TRIM40: variants seen among roughly 807,000 people sequenced by gnomAD.
TRIM40 encodes the protein E3 ubiquitin ligase TRIM40.
Under a neutral mutation model 26.1 loss-of-function variants are expected in TRIM40, and 27 were observed. That is an observed-to-expected ratio of 1.04 (90% CI 0.76 to 1.43). The LOEUF (loss-of-function observed/expected upper bound fraction) is 1.43. Ranked by LOEUF, TRIM40 falls within the 40% of genes most tolerant of loss-of-function variation. The pLI is 0.00. For missense variants in TRIM40, 289 were observed against 307.9 expected, an observed-to-expected ratio of 0.94 and a Z score of 0.46; for synonymous variants, 114 against 120.0, an observed-to-expected ratio of 0.95 and a Z score of 0.33.
chr6:30,142,890 T>C (rs1182477778), intron 2 of TRIM40, among the ~76,000 whole-genome samples: 1 of 152,166 alleles, frequency 6.6e-6, no homozygotes, highest in East Asian at 1.9e-4. Context: ...GATTATTCTT[T>C]CTGTTATATA....
intron 2 of TRIM40, among the ~76,000 whole-genome samples, 183 bp from the exon 3 acceptor site, chr6:30,145,811 A>T (rs1771610215): frequency 6.6e-6 from 1 of 152,196 alleles, no homozygotes; most frequent in South Asian, 2.1e-4. Context: ...CCCCATCATT[A>T]TCCAATAAAT....
chr6:30,147,347 C>A, intron 4 of TRIM40, 138 bp downstream of exon 4: 1 of 1,361,922 alleles, frequency 7.3e-7, no homozygotes, highest in Non-Finnish European at 1.0e-6. Context: ...TGGCTTGTTC[C>A]AGGCTACAGA....
rs774529343 is a variant in TRIM40, at chr6:30,148,053, G to A, written c.*241G>A. The A allele has an allele frequency of 1.6e-5, 9 of 578,740 alleles. No homozygotes were observed. The highest frequency in any genetic ancestry group is 4.5e-4 in the Middle Eastern group (1 of 2,230). The allele number at this position is 578,740 out of a possible 1,614,324, so 35.9% of individuals were successfully genotyped here. A position where few individuals can be genotyped will look rare whatever the true frequency, so the allele number is the denominator to read the frequency against. On this transcript the variant is annotated 3_prime_UTR_variant, in exon 6 of 6. Transcript: ENST00000396581. ...GCTTGGGGCTGCCACTGTGGAGGTC[G>A]GGGCCCATGGTCTCCAGGAGCATTT...
chr6:30,147,279 C>T (rs1771729305), intron 4 of TRIM40, 70 bp downstream of exon 4: 1 of 1,571,176 alleles, frequency 6.4e-7, no homozygotes, highest in Admixed American at 1.7e-5. Context: ...CTGCATCACC[C>T]TTCTGGGAGG....
Position 30,137,252 on chromosome 6 carries a change from C to T in TRIM40, c.216C>T (p.Pro72=). 1 of 1,613,086 alleles carries T rather than the reference C, an allele frequency of 6.2e-7. No individual in the cohort carries two copies. The highest frequency in any genetic ancestry group is 8.5e-7 in the Non-Finnish European group (1 of 1,180,022). The change falls in exon 2 of 6, where the codon CCC becomes CCT. Residue 72 remains proline (P), a synonymous_variant. Transcript: ENST00000396581. ...EEVLGTGYIC[P]NHQKRVCRFC... is the part of the protein sequence containing the mutation. ...TGCTAGGGACAGGCTATATCTGCCC[C>T]AACCACCAGAAGAGGGTGTGCAGGT...
At chr6:30,143,945 T>G (rs1449484455) in intron 2 of TRIM40, among the ~76,000 whole-genome samples, 1 of 152,196 alleles carries the variant, frequency 6.6e-6, no homozygotes, top group Non-Finnish European at 1.5e-5. Flanking sequence ...AACTGCCAGA[T>G]GATAGGACTG....
Position 30,147,025 on chromosome 6 carries a change from C to A in TRIM40, c.482C>A (p.Pro161Gln). 1 of 1,610,576 alleles carries A rather than the reference C, an allele frequency of 6.2e-7. No individual in the cohort carries two copies. Among genetic ancestry groups the A allele is most frequent in the Non-Finnish European group, 8.5e-7 (1 of 1,178,746 alleles). The change falls in exon 4 of 6, where the codon CCG becomes CAG. Residue 161 changes from proline to glutamine, a missense_variant. Transcript: ENST00000396581. Reference protein sequence around the residue: ...DHGNHRLEAGPESQHQTREQL... With the variant: ...DHGNHRLEAGQESQHQTREQL... The stretch of plus-strand genomic sequence containing the variant: ...GGGAACCACAGGCTGGAGGCTGGGC[C>A]GGAGAGCCAGCACCAAACCAGGGAA...
intron 2 of TRIM40, among the ~76,000 whole-genome samples, chr6:30,137,706 A>G (rs2127419673): frequency 6.6e-6 from 1 of 152,340 alleles, no homozygotes; most frequent in Non-Finnish European, 1.5e-5. Flanking sequence ...CTCCTGGTTG[A>G]TAGTACTAGA....
chr6:30,148,117 C>T lies in TRIM40; in HGVS notation c.*305C>T. The T allele has an allele frequency of 2.0e-6, 1 of 493,640 alleles. No homozygotes were observed. The highest frequency in any genetic ancestry group is 3.6e-6 in the Non-Finnish European group (1 of 274,778). 30.6% of individuals were successfully genotyped at this position (493,640 alleles called of 1,614,324 possible). A position where few individuals can be genotyped will look rare whatever the true frequency, so the allele number is the denominator to read the frequency against. ...TTTGCCTGTAAACTGATGGTAGTGC[C>T]CATCTCTCACAATCTCATTCAAATA... On this transcript the variant is annotated 3_prime_UTR_variant, in exon 6 of 6. Transcript: ENST00000396581.
chr6:30,147,066 C>G lies in TRIM40; in HGVS notation c.523C>G (p.Pro175Ala), dbSNP rs370316642. 2 of 1,613,800 alleles carry G rather than the reference C, an allele frequency of 1.2e-6. No homozygotes were observed. Among genetic ancestry groups the G allele is most frequent in the African/African-American group, 2.7e-5 (2 of 74,938 alleles). ...HQTREQLGAL[P>A]QQWLGQLEHM... Reference sequence around the variant, plus strand: ...AACCAGGGAACAGCTGGGTGCCCTCCCTCAGCAGTGGCTGGGCCAGCTGGA... The same window carrying G: ...AACCAGGGAACAGCTGGGTGCCCTCGCTCAGCAGTGGCTGGGCCAGCTGGA... Residue 175 changes from proline (P) to alanine (A), a missense_variant, in exon 4 of 6, where the codon CCT becomes GCT. Physicochemically the swap from Pro to Ala is conservative, Grantham distance 27. Transcript: ENST00000396581.
At position 30,146,501 on chromosome 6, in the gene TRIM40, T is replaced by C. The variant is rs112536952; in HGVS notation, c.441+412T>C. Among the ~76,000 whole-genome samples the C allele has an allele frequency of 5.2e-3, 797 of 152,176 alleles. 6 individuals are homozygous for C. The highest frequency in any genetic ancestry group is 0.018 in the African/African-American group (736 of 41,502). Reference sequence around the variant, plus strand: ...AACTCCGCTCACTGCAAGCTCCGCCTCCCGGGTTCACGCCATTCTCCTGCC... The same window carrying C: ...AACTCCGCTCACTGCAAGCTCCGCCCCCCGGGTTCACGCCATTCTCCTGCC... On this transcript the variant is annotated intron_variant, in intron 3 of 5. Coordinates refer to ENST00000396581, the MANE Select transcript of TRIM40 (RefSeq NM_001286633.2).
rs769832149 is a variant in TRIM40, at chr6:30,147,816, G to A, written c.*4G>A. The stretch of plus-strand genomic sequence containing the variant: ...TCAGCCCCCTCAGAAGCTCTGACCT[G>A]TTCATCCCTGGGACACCTCACTTCA... On this transcript the variant is annotated 3_prime_UTR_variant, in exon 6 of 6. Coordinates refer to ENST00000396581, the MANE Select transcript of TRIM40 (RefSeq NM_001286633.2). 1.9e-6 allele frequency: 3 copies of A among 1,613,814 alleles called. No individual in the cohort carries two copies. The highest frequency in any genetic ancestry group is 1.7e-6 in the Non-Finnish European group (2 of 1,179,690).
At chr6:30,144,600 A>G (rs1771538763) in intron 2 of TRIM40, among the ~76,000 whole-genome samples, 1 of 152,244 alleles carries the variant, frequency 6.6e-6, no homozygotes, top group African/African-American at 2.4e-5. Context: ...CAGAAGGCAC[A>G]GGTCTAGGAA....
At position 30,147,060 on chromosome 6, in the gene TRIM40, G is replaced by A. The variant is rs1009048159; in HGVS notation, c.517G>A (p.Ala173Thr). The A allele has an allele frequency of 1.9e-6, 3 of 1,613,686 alleles. No individual in the cohort carries two copies. The highest frequency in any genetic ancestry group is 2.5e-6 in the Non-Finnish European group (3 of 1,179,814). The change falls in exon 4 of 6, where the codon GCC becomes ACC. Residue 173 changes from alanine to threonine, a missense_variant. Coordinates refer to ENST00000396581, the MANE Select transcript of TRIM40 (RefSeq NM_001286633.2). ...SQHQTREQLG[A>T]LPQQWLGQLE... is the part of the protein sequence containing the mutation. ...GCACCAAACCAGGGAACAGCTGGGT[G>A]CCCTCCCTCAGCAGTGGCTGGGCCA...
At chr6:30,140,763 C>T (rs1771299250) in intron 2 of TRIM40, among the ~76,000 whole-genome samples, 1 of 152,128 alleles carries the variant, frequency 6.6e-6, no homozygotes, top group Non-Finnish European at 1.5e-5. Context: ...TCAAAGATGA[C>T]TTCATGAGTT....
intron 1 of TRIM40, 25 bp from the exon 2 acceptor site, chr6:30,136,708 T>G: frequency 5.6e-6 from 2 of 355,984 alleles, no homozygotes; most frequent in Non-Finnish European, 1.0e-5. Context: ...ACAGAATTGG[T>G]TATTGAATCA....
intron 2 of TRIM40, among the ~76,000 whole-genome samples, chr6:30,139,321 GA>G: frequency 6.8e-6 from 1 of 147,490 alleles, no homozygotes; most frequent in East Asian, 2.0e-4. Context: ...AGTAATCAAA[GA>G]ACTGTAACTT....
At position 30,139,993 on chromosome 6, in the gene TRIM40, G is replaced by A. The variant is rs1001492369; in HGVS notation, c.345+2612G>A. On this transcript the variant is annotated intron_variant, in intron 2 of 5. Transcript: ENST00000396581. ...AAATGCTCATCATCACTGGTCTTTA[G>A]AGAAATGCAAATCAAAACCACAATG... 2.6e-5 allele frequency among the ~76,000 whole-genome samples: 4 copies of A among 152,186 alleles called. 1 individual carries two copies. Among genetic ancestry groups the A allele is most frequent in the Admixed American group, 2.6e-4 (4 of 15,282 alleles).
Position 30,147,057 on chromosome 6 carries a change from G to A in TRIM40, c.514G>A (p.Gly172Ser), listed in dbSNP as rs747533955. 1.1e-5 allele frequency: 18 copies of A among 1,613,718 alleles called. No individual in the cohort carries two copies. The highest frequency in any genetic ancestry group is 1.4e-5 in the Non-Finnish European group (16 of 1,179,804). ...ESQHQTREQLGALPQQWLGQL... is the reference protein window; with the variant it reads ...ESQHQTREQLSALPQQWLGQL... ...CCAGCACCAAACCAGGGAACAGCTG[G>A]GTGCCCTCCCTCAGCAGTGGCTGGG... Residue 172 changes from glycine to serine, a missense_variant, in exon 4 of 6, where the codon GGT becomes AGT. Physicochemically the swap from Gly to Ser is moderately conservative, Grantham distance 56 (BLOSUM62 0). Coordinates refer to ENST00000396581, the MANE Select transcript of TRIM40 (RefSeq NM_001286633.2).
Sources: allele counts gnomAD v4.1 joint callset (sites outside exome capture counted in the v4.1 genomes callset), GRCh38; gene constraint gnomAD v4.1.1; transcripts MANE v1.5; gene names NCBI Gene and HGNC (gene_info 2026-07-23, HGNC 2026-07-21).